EPHA6: variants seen among roughly 807,000 people sequenced by gnomAD.
EPHA6 encodes ephrin type-A receptor 6.
Under a neutral mutation model 112.0 loss-of-function variants are expected in EPHA6, and 50 were observed. The observed-to-expected ratio is 0.45, with a 90% CI of 0.36 to 0.56. The LOEUF (loss-of-function observed/expected upper bound fraction) is 0.56, where lower values mean the gene tolerates loss of function less well. Among genes scored for constraint, EPHA6 ranks in the 20% least tolerant of loss-of-function variants. The probability of loss-of-function intolerance (pLI) is 0.00; values close to 1 mark genes in which losing one functional copy is unlikely to be tolerated. For missense variants in EPHA6, 1,280 were observed against 1,417.4 expected (o/e 0.90, Z 1.56); for synonymous variants, 529 against 490.7 (o/e 1.08, Z -1.03).
rs530590335 is a variant in EPHA6 at position 97,628,897 on chromosome 3, GA to G, written c.2575-8972del. On this transcript the variant is annotated intron_variant, in intron 13 of 17. Coordinates refer to ENST00000389672, the MANE Select transcript of EPHA6 (RefSeq NM_001080448.3). The stretch of plus-strand genomic sequence containing the variant: ...AACACTCATTTTATATTCAGCAGTG[GA>G]AAAGAAGAAAATTGCATTTACCCAC... 3.0e-4 allele frequency among the ~76,000 whole-genome samples: 45 copies of G among 151,976 alleles called. No individual in the cohort carries two copies. In the South Asian group the frequency reaches 9.3e-3, roughly 32 times the overall value.
intron 7 of EPHA6, among the ~76,000 whole-genome samples, chr3:97,455,572 ACCCT>A (rs977832325): frequency 6.6e-6 from 1 of 151,812 alleles, no homozygotes; most frequent in Non-Finnish European, 1.5e-5. Context: ...CCAATTCGTC[ACCCT>A]CCCTTAATTA....
chr3:97,277,086 A>T (rs1009997094), intron 5 of EPHA6, among the ~76,000 whole-genome samples: 1 of 152,122 alleles, frequency 6.6e-6, no homozygotes, highest in Admixed American at 6.5e-5. Flanking sequence ...AAAGGAAGAA[A>T]GACTCAGTGA....
intron 2 of EPHA6, among the ~76,000 whole-genome samples, chr3:96,922,816 C>T (rs1005020310): frequency 6.6e-6 from 1 of 152,126 alleles, no homozygotes; most frequent in Non-Finnish European, 1.5e-5. Context: ...CAAGCCCTGT[C>T]CCACAGGCCC....
intron 12 of EPHA6, among the ~76,000 whole-genome samples, chr3:97,596,875 A>AATATATATATATATATATATAT (rs62670860): frequency 4.6e-4 from 46 of 100,372 alleles, no homozygotes; most frequent in Non-Finnish European, 6.1e-4. Flanking sequence ...ATATCTATGG[A>AATATATATATATATATATATAT]ATATATATAT....
rs1040253014 is a variant in EPHA6 at position 97,679,717 on chromosome 3, A to C, written c.2785-40544A>C. Among the ~76,000 whole-genome samples, 3 of 152,180 alleles carry C rather than the reference A, an allele frequency of 2.0e-5. No homozygotes were observed. The East Asian group carries it at 5.8e-4, about 29-fold the overall frequency. On this transcript the variant is annotated intron_variant, in intron 14 of 17. Transcript: ENST00000389672. The stretch of plus-strand genomic sequence containing the variant: ...TGTGGCATGTACATAGCAGGATCAG[A>C]CACTTCAATATACCAAAATACATTT...
chr3:97,118,009 G>T (rs2047940990), intron 3 of EPHA6, among the ~76,000 whole-genome samples: 1 of 151,694 alleles, frequency 6.6e-6, no homozygotes, highest in African/African-American at 2.4e-5. Context: ...ACTGAAAAGA[G>T]AATTATATTT....
At position 96,859,297 on chromosome 3, in the gene EPHA6, GCA is replaced by G. The variant is rs371934074; in HGVS notation, c.386-7525_386-7524del. On this transcript the variant is annotated intron_variant, in intron 1 of 17. Transcript: ENST00000389672. ...ATGTATTTGTTTCAAAATTATGGCAGCACAATTAAAATTTTTATCTGATAATT... is the reference window on the plus strand; with the variant it reads ...ATGTATTTGTTTCAAAATTATGGCAGCAATTAAAATTTTTATCTGATAATT... 8.3e-4 allele frequency among the ~76,000 whole-genome samples: 126 copies of G among 151,898 alleles called. 1 individual carries two copies. Among genetic ancestry groups the G allele is most frequent in the African/African-American group, 2.9e-3 (120 of 41,420 alleles).
chr3:97,225,536 G>A (rs1270911888), intron 3 of EPHA6, among the ~76,000 whole-genome samples: 2 of 151,704 alleles, frequency 1.3e-5, no homozygotes, highest in African/African-American at 4.8e-5. Flanking sequence ...AACCTTTTTT[G>A]AGTGACTATA....
At chr3:97,166,855 CAGGGAAACAGGGAA>C (rs1192662316) in intron 3 of EPHA6, among the ~76,000 whole-genome samples, 3 of 152,080 alleles carry the variant, frequency 2.0e-5, no homozygotes, top group Admixed American at 2.0e-4. Flanking sequence ...AATTTCTGTT[CAGGGAAACAGGGAA>C]AGGGAAACAG....
intron 5 of EPHA6, among the ~76,000 whole-genome samples, chr3:97,350,969 T>TAA (rs2083782982): frequency 2.0e-5 from 3 of 152,194 alleles, no homozygotes; most frequent in Admixed American, 2.0e-4. Flanking sequence ...TAGTTCTTGC[T>TAA]AAATGACCTT....
intron 4 of EPHA6, among the ~76,000 whole-genome samples, chr3:97,235,430 C>T (rs1374404043): frequency 2.0e-5 from 3 of 152,042 alleles, no homozygotes; most frequent in African/African-American, 4.8e-5. Context: ...TAAGTCATAA[C>T]CCCTACCCCT....
intron 3 of EPHA6, among the ~76,000 whole-genome samples, chr3:97,176,429 A>T (rs1458539587): frequency 1.3e-5 from 2 of 151,912 alleles, no homozygotes; most frequent in Non-Finnish European, 2.9e-5. Flanking sequence ...GTTTGGAATT[A>T]TTCCCTCCTT....
chr3:97,279,010 A>G (rs1255872279), intron 5 of EPHA6, among the ~76,000 whole-genome samples: 1 of 152,234 alleles, frequency 6.6e-6, no homozygotes, highest in East Asian at 1.9e-4. Flanking sequence ...AGAAGGGGTG[A>G]AAGACTGTGA....
intron 10 of EPHA6, among the ~76,000 whole-genome samples, chr3:97,500,137 A>G (rs887947950): frequency 1.3e-5 from 2 of 152,142 alleles, no homozygotes; most frequent in Admixed American, 6.6e-5. Flanking sequence ...AAACATACAC[A>G]TGAGCTTAGG....
At chr3:97,396,911 C>G (rs1303383390) in intron 5 of EPHA6, among the ~76,000 whole-genome samples, 1 of 151,672 alleles carries the variant, frequency 6.6e-6, no homozygotes, top group Non-Finnish European at 1.5e-5. Flanking sequence ...GTAAATGAGG[C>G]CTCTTTTGTT....
intron 5 of EPHA6, among the ~76,000 whole-genome samples, chr3:97,379,476 C>T (rs981814856): frequency 6.6e-6 from 1 of 151,668 alleles, no homozygotes; most frequent in African/African-American, 2.4e-5. Context: ...AAGGGCTGGG[C>T]ATGGTGGCTC....
chr3:97,648,081 C>T (rs920299307), intron 14 of EPHA6, among the ~76,000 whole-genome samples: 4 of 152,026 alleles, frequency 2.6e-5, no homozygotes, highest in African/African-American at 4.8e-5. Flanking sequence ...TTGCAATACT[C>T]GTTAAAAATT....
At chr3:97,673,096 C>A (rs954702661) in intron 14 of EPHA6, among the ~76,000 whole-genome samples, 3 of 152,198 alleles carry the variant, frequency 2.0e-5, no homozygotes, top group Non-Finnish European at 1.5e-5. Flanking sequence ...GTAGAGAATT[C>A]TCTTTTTAAA....
intron 1 of EPHA6, among the ~76,000 whole-genome samples, chr3:96,835,412 C>T (rs1401474809): frequency 6.6e-6 from 1 of 151,784 alleles, no homozygotes; most frequent in Non-Finnish European, 1.5e-5. Flanking sequence ...CAGGTTGAAA[C>T]ATGAGTGGGT....
Sources: allele counts gnomAD v4.1 joint callset (sites outside exome capture counted in the v4.1 genomes callset), GRCh38; gene constraint gnomAD v4.1.1; transcripts MANE v1.5; gene names NCBI Gene and HGNC (gene_info 2026-07-23, HGNC 2026-07-21).